The following NBPF20 variants were observed in gnomAD, a reference collection of about 807,000 sequenced individuals.
NBPF20 encodes NBPF member 20.
A neutral mutation model predicts 68.1 loss-of-function variants in NBPF20; 90 were observed. The observed-to-expected ratio is 1.32, with a 90% CI of 1.11 to 1.58. The LOEUF (loss-of-function observed/expected upper bound fraction) is 1.58. Ranked by LOEUF, NBPF20 falls within the 40% of genes most tolerant of loss-of-function variation. The pLI is 0.00. For synonymous variants in NBPF20, 290 were observed against 228.1 expected, an observed-to-expected ratio of 1.27 and a Z score of -2.45; for missense variants, 816 against 601.2, an observed-to-expected ratio of 1.36 and a Z score of -3.74.
At chr1:145,425,335 C>A in the NBPF20 span, among the ~76,000 whole-genome samples, 1 of 151,850 alleles carries the variant, frequency 6.6e-6, no homozygotes, top group Non-Finnish European at 1.5e-5. Context: ...CCCGCCCGGC[C>A]TGGCGCGGCG....
intron 9 of NBPF20, among the ~76,000 whole-genome samples, 172 bp from the exon 15 acceptor site, chr1:145,393,418 A>C (rs1156681055): frequency 6.6e-6 from 1 of 150,974 alleles, no homozygotes; most frequent in Non-Finnish European, 1.5e-5. Flanking sequence ...CCAGGTAGAA[A>C]AGGATGAAAG....
rs879070128 is a variant in NBPF20, at chr1:145,393,458, A to C, written c.1044-212T>G. The stretch of plus-strand genomic sequence containing the variant: ...AGACACACACTCACACACACACACA[A>C]ACACACACACACACACACACACACA... On this transcript the variant is annotated intron_variant, in intron 9 of 137. Coordinates refer to ENST00000369373, the Ensembl canonical transcript of NBPF20. Among the ~76,000 whole-genome samples the C allele has an allele frequency of 5.7e-3, 829 of 145,246 alleles. 2 individuals are homozygous for C. The highest frequency in any genetic ancestry group is 0.019 in the African/African-American group (748 of 39,098).
upstream of NBPF20, among the ~76,000 whole-genome samples, chr1:145,407,418 C>T (rs145229359): frequency 0.015 from 2,202 of 145,148 alleles, 39 homozygotes; most frequent in Non-Finnish European, 0.024. Context: ...CACATATATA[C>T]ATGTATACAC....
the NBPF20 span, among the ~76,000 whole-genome samples, chr1:145,419,025 AAAG>A: frequency 4.8e-5 from 7 of 147,128 alleles, no homozygotes; most frequent in African/African-American, 1.8e-4. Context: ...AAGAAAAAGA[AAAG>A]AAGAAAGGAA....
chr1:145,292,598 T>A (rs1228173429), intron 136 of NBPF20, 109 bp from the exon 142 acceptor site: 4 of 747,560 alleles, frequency 5.4e-6, no homozygotes, highest in African/African-American at 1.9e-5. Context: ...AGCATAAGAA[T>A]AGGACACTTT....
At chr1:145,311,980 T>C (rs1285486506) in intron 112 of NBPF20, among the ~76,000 whole-genome samples, 1 of 83,414 alleles carries the variant, frequency 1.2e-5, no homozygotes. Context: ...AGAGTAGGAT[T>C]AGGGCGCCAC....
At chr1:145,393,763 G>C in intron 9 of NBPF20, 121 bp downstream of exon 14, 2 of 1,502,854 alleles carry the variant, frequency 1.3e-6, no homozygotes, top group Non-Finnish European at 1.8e-6. Context: ...CAATGTAGTA[G>C]GCATAATTCA....
upstream of NBPF20, among the ~76,000 whole-genome samples, chr1:145,407,366 C>T (rs1662835920): frequency 2.1e-5 from 3 of 140,326 alleles, no homozygotes; most frequent in Admixed American, 7.2e-5. Context: ...ACATGGCACA[C>T]GTATATATAT....
Position 145,394,967 on chromosome 1 carries a change from G to A in NBPF20, c.991+11C>T. On this transcript the variant is annotated intron_variant, in intron 8 of 137. Coordinates refer to ENST00000369373, the Ensembl canonical transcript of NBPF20. ...ACTGGAGCTTTATCACCTTCACAGTGTAGTACTCACTGCCTATGTCAACAG... is the reference window on the plus strand; with the variant it reads ...ACTGGAGCTTTATCACCTTCACAGTATAGTACTCACTGCCTATGTCAACAG... 1.9e-6 allele frequency: 3 copies of A among 1,612,010 alleles called. No homozygotes were observed. The highest frequency in any genetic ancestry group is 2.5e-6 in the Non-Finnish European group (3 of 1,179,834).
intron 7 of NBPF20, among the ~76,000 whole-genome samples, chr1:145,396,754 GTATATA>G (rs1195769236): frequency 1.4e-5 from 2 of 142,610 alleles, no homozygotes; most frequent in African/African-American, 2.6e-5. Flanking sequence ...TTGTGTGTAT[GTATATA>G]TATATATATA....
chr1:145,403,017 G>T lies in NBPF20; in HGVS notation c.278+199C>A, dbSNP rs1322021519. 2.6e-5 allele frequency among the ~76,000 whole-genome samples: 4 copies of T among 151,980 alleles called. No homozygotes were observed. In the East Asian group the frequency reaches 7.7e-4, roughly 29 times the overall value. On this transcript the variant is annotated intron_variant, in intron 3 of 137. Coordinates refer to ENST00000369373, the Ensembl canonical transcript of NBPF20. ...ACTTGTTTGAAAAAGAGAAAACAAG[G>T]CTCTGAGAAACAACTGCAACCCATA...
chr1:145,423,601 C>T, the NBPF20 span, among the ~76,000 whole-genome samples: 1 of 152,124 alleles, frequency 6.6e-6, no homozygotes, highest in Non-Finnish European at 1.5e-5. Flanking sequence ...GAAAAACAAA[C>T]ATATCAATGA....
the NBPF20 span, among the ~76,000 whole-genome samples, chr1:145,413,672 TC>T: frequency 7.1e-6 from 1 of 140,954 alleles, no homozygotes; most frequent in African/African-American, 2.7e-5. Context: ...ACTAAGAAAC[TC>T]CTGCTGGATT....
upstream of NBPF20, among the ~76,000 whole-genome samples, chr1:145,407,539 T>C (rs1296414649): frequency 1.4e-5 from 2 of 147,226 alleles, no homozygotes; most frequent in Non-Finnish European, 3.0e-5. Flanking sequence ...ATATATATAA[T>C]ACGTGTATAT....
the NBPF20 span, among the ~76,000 whole-genome samples, chr1:145,410,727 T>C: frequency 2.8e-3 from 360 of 127,606 alleles, 12 homozygotes; most frequent in East Asian, 5.0e-3. Flanking sequence ...TGTGTGTGTG[T>C]GCCTGTCTGT....
chr1:145,395,704 G>GT (rs1366982271), intron 7 of NBPF20, among the ~76,000 whole-genome samples: 5 of 148,804 alleles, frequency 3.4e-5, no homozygotes, highest in Admixed American at 3.3e-4. Flanking sequence ...AGAAATCCCT[G>GT]TTTGAGGGTC....
At chr1:145,334,805 G>C (rs1370048164) in intron 83 of NBPF20, among the ~76,000 whole-genome samples, 174 bp from the exon 89 acceptor site, 7 of 134,458 alleles carry the variant, frequency 5.2e-5, no homozygotes, top group African/African-American at 1.8e-4. Context: ...AGGTAGAAAA[G>C]AATGAAAGAG....
chr1:145,292,321 T>A, intron 137 of NBPF20, 60 bp downstream of exon 142: 1 of 633,116 alleles, frequency 1.6e-6, no homozygotes, highest in Non-Finnish European at 2.8e-6. Flanking sequence ...CTGGTTTCCC[T>A]GAATCTGTTG....
chr1:145,410,503 C>G (rs1318643024), upstream of NBPF20, among the ~76,000 whole-genome samples: 14 of 150,616 alleles, frequency 9.3e-5, no homozygotes, highest in East Asian at 2.7e-3. Flanking sequence ...TTAGTAGAGA[C>G]GGGGTTTCAC....
Sources: allele counts gnomAD v4.1 joint callset (sites outside exome capture counted in the v4.1 genomes callset), GRCh38; gene constraint gnomAD v4.1.1; transcripts MANE v1.5; gene names NCBI Gene and HGNC (gene_info 2026-07-23, HGNC 2026-07-21).